SYNPR: variants seen among roughly 807,000 people sequenced by gnomAD.
SYNPR encodes synaptoporin.
SYNPR carries 23 observed loss-of-function variants against 32.9 expected under a neutral mutation model. The observed-to-expected ratio is 0.70, with a 90% CI of 0.50 to 0.99. The LOEUF (loss-of-function observed/expected upper bound fraction) is 0.99. Among genes scored for constraint, SYNPR ranks in the 50% least tolerant of loss-of-function variants. The pLI, the probability that SYNPR is intolerant of heterozygous loss-of-function variation, is 0.00. For synonymous variants in SYNPR, 146 were observed against 135.9 expected, an observed-to-expected ratio of 1.07 and a Z score of -0.52; for missense variants, 318 against 349.3, an observed-to-expected ratio of 0.91 and a Z score of 0.71.
At chr3:63,607,267 T>G (rs1436150429) in intron 4 of SYNPR, among the ~76,000 whole-genome samples, 1 of 152,178 alleles carries the variant, frequency 6.6e-6, no homozygotes, top group Non-Finnish European at 1.5e-5. Context: ...CTCAGCACAT[T>G]ACTCAAAAAT....
intron 2 of SYNPR, among the ~76,000 whole-genome samples, chr3:63,343,075 G>A (rs2087388853): frequency 6.6e-6 from 1 of 152,170 alleles, no homozygotes; most frequent in South Asian, 2.1e-4. Context: ...TTTTCGGGCA[G>A]AGGGAGAAGT....
chr3:63,473,031 C>A (rs1215281409), intron 2 of SYNPR, among the ~76,000 whole-genome samples: 1 of 152,120 alleles, frequency 6.6e-6, no homozygotes, highest in South Asian at 2.1e-4. Flanking sequence ...CTGCCTGCCT[C>A]TTAAACTGAG....
intron 2 of SYNPR, among the ~76,000 whole-genome samples, chr3:63,461,699 G>A (rs912233056): frequency 1.3e-5 from 2 of 151,704 alleles, no homozygotes; most frequent in Non-Finnish European, 2.9e-5. Flanking sequence ...TCTGGATTTG[G>A]CTAAGAACTC....
chr3:63,539,499 T>C (rs952782152), intron 3 of SYNPR, among the ~76,000 whole-genome samples: 2 of 152,130 alleles, frequency 1.3e-5, no homozygotes, highest in African/African-American at 2.4e-5. Context: ...ATTCAGCAAG[T>C]AGTTATTGAA....
At chr3:63,394,738 T>A (rs1226138305) in intron 2 of SYNPR, among the ~76,000 whole-genome samples, 2 of 152,206 alleles carry the variant, frequency 1.3e-5, no homozygotes, top group East Asian at 3.8e-4. Context: ...CTCATTTGAT[T>A]CAGAATCATT....
chr3:63,358,437 C>T (rs910443066), intron 2 of SYNPR, among the ~76,000 whole-genome samples: 8 of 152,168 alleles, frequency 5.3e-5, no homozygotes, highest in African/African-American at 1.9e-4. Context: ...CCTGCTTCTT[C>T]TAATAAGGAC....
In SYNPR at chr3:63,548,068, T is replaced by G. The variant is rs549626806; in HGVS notation, c.210-8475T>G. Among the ~76,000 whole-genome samples, 15 of 152,308 alleles carry G rather than the reference T, an allele frequency of 9.8e-5. No homozygotes were observed. The South Asian group carries it at 2.9e-3, about 29-fold the overall frequency. Reference sequence around the variant, plus strand: ...AGTGGAAGTAACAGAGAAGGATTTGTCTTTTTCAACCTTCCAGATAATCTG... The same window carrying G: ...AGTGGAAGTAACAGAGAAGGATTTGGCTTTTTCAACCTTCCAGATAATCTG... On this transcript the variant is annotated intron_variant, in intron 3 of 5. Transcript: ENST00000478300.
chr3:63,225,142 G>A (rs1052394483), upstream of SYNPR, among the ~76,000 whole-genome samples: 2 of 152,230 alleles, frequency 1.3e-5, no homozygotes, highest in Admixed American at 6.5e-5. Flanking sequence ...GCAGGGATGT[G>A]AGATAAAATG....
At chr3:63,334,947 T>C (rs1209472477) in intron 2 of SYNPR, among the ~76,000 whole-genome samples, 1 of 152,176 alleles carries the variant, frequency 6.6e-6, no homozygotes, top group Non-Finnish European at 1.5e-5. Context: ...GCCCCTCACA[T>C]GCACCCTGCA....
At chr3:63,604,090 A>C (rs1200429055) in intron 4 of SYNPR, among the ~76,000 whole-genome samples, 1 of 152,044 alleles carries the variant, frequency 6.6e-6, no homozygotes, top group Non-Finnish European at 1.5e-5. Flanking sequence ...ATTTCCAGGA[A>C]TTTGTCCATG....
chr3:63,584,988 C>T (rs779744785), intron 4 of SYNPR, among the ~76,000 whole-genome samples: 3 of 152,068 alleles, frequency 2.0e-5, no homozygotes, highest in Non-Finnish European at 2.9e-5. Context: ...TGTCCAGAAG[C>T]TTTGTCGTGC....
chr3:63,486,201 G>A (rs913916575), intron 3 of SYNPR, among the ~76,000 whole-genome samples: 4 of 152,126 alleles, frequency 2.6e-5, no homozygotes, highest in Admixed American at 6.6e-5. Context: ...GGGCCACCAT[G>A]CCTAGCCACA....
intron 2 of SYNPR, among the ~76,000 whole-genome samples, chr3:63,398,446 C>T (rs868041783): frequency 1.4e-4 from 21 of 152,084 alleles, no homozygotes; most frequent in Non-Finnish European, 2.5e-4. Context: ...TTTGGCCAGG[C>T]GCGGTGGCTC....
chr3:63,265,517 G>A (rs1022351518), intron 2 of SYNPR, among the ~76,000 whole-genome samples: 2 of 152,144 alleles, frequency 1.3e-5, no homozygotes, highest in African/African-American at 4.8e-5. Context: ...TTCCCAAAAT[G>A]TTGGGATTAC....
intron 2 of SYNPR, among the ~76,000 whole-genome samples, chr3:63,460,000 G>A (rs893950661): frequency 8.6e-5 from 13 of 151,976 alleles, no homozygotes; most frequent in African/African-American, 2.9e-4. Flanking sequence ...TTCGCTGTCT[G>A]TCTCAGATGA....
At chr3:63,455,701 A>T (rs924539919) in intron 2 of SYNPR, among the ~76,000 whole-genome samples, 2 of 151,652 alleles carry the variant, frequency 1.3e-5, no homozygotes, top group African/African-American at 4.8e-5. Flanking sequence ...AAATAAGCCT[A>T]AAAAAGTCCC....
intron 2 of SYNPR, among the ~76,000 whole-genome samples, chr3:63,368,284 A>G (rs2087751761): frequency 6.6e-6 from 1 of 152,232 alleles, no homozygotes; most frequent in Non-Finnish European, 1.5e-5. Context: ...TGGATAATAC[A>G]TTAATGAGTG....
intron 3 of SYNPR, among the ~76,000 whole-genome samples, chr3:63,554,163 C>G (rs1017182436): frequency 3.3e-5 from 5 of 152,184 alleles, no homozygotes; most frequent in African/African-American, 1.2e-4. Context: ...TGAATATTTT[C>G]TCCCGTCCTG....
At chr3:63,211,565 G>A in the SYNPR span, among the ~76,000 whole-genome samples, 2,218 of 152,154 alleles carry the variant, frequency 0.015, 45 homozygotes, top group African/African-American at 0.05. Flanking sequence ...CATCTGCCTC[G>A]GTAGATGACA....
Sources: allele counts gnomAD v4.1 joint callset (sites outside exome capture counted in the v4.1 genomes callset), GRCh38; gene constraint gnomAD v4.1.1; transcripts MANE v1.5; gene names NCBI Gene and HGNC (gene_info 2026-07-23, HGNC 2026-07-21).